Variants in SYNE2 observed in about 807,000 individuals in gnomAD.
SYNE2 encodes the protein nesprin-2.
In SYNE2, 431 loss-of-function variants were observed where a neutral mutation model predicts 856.3. The ratio of observed to expected loss-of-function variants is 0.50; its 90% CI spans 0.47 to 0.55. The LOEUF is 0.55. Among genes scored for constraint, SYNE2 ranks in the 20% least tolerant of loss-of-function variants. SYNE2 has a pLI of 0.00. For synonymous variants in SYNE2, 2,923 were observed against 2,872.3 expected, an observed-to-expected ratio of 1.02 and a Z score of -0.56; for missense variants, 8,129 against 8,023.2, an observed-to-expected ratio of 1.01 and a Z score of -0.50.
chr14:63,861,681 G>C (rs1893776092), intron 1 of SYNE2, among the ~76,000 whole-genome samples: 1 of 152,014 alleles, frequency 6.6e-6, no homozygotes, highest in Admixed American at 6.6e-5. Flanking sequence ...CAGGTACTAG[G>C]GAGGCTGAGG....
intron 2 of SYNE2, among the ~76,000 whole-genome samples, chr14:63,928,105 AG>A (rs1428063639): frequency 6.6e-6 from 1 of 151,602 alleles, no homozygotes; most frequent in East Asian, 1.9e-4. Context: ...CAAGATGTAT[AG>A]AGAAGGAAGT....
rs116059867 is a variant in SYNE2 at position 63,766,785 on chromosome 14, G to A, written c.-305+4799G>A. 4.4e-3 allele frequency among the ~76,000 whole-genome samples: 673 copies of A among 152,244 alleles called. 10 individuals are homozygous for A. The highest frequency in any genetic ancestry group is 0.015 in the African/African-American group (618 of 41,562). On this transcript the variant is annotated intron_variant, in intron 1 of 23. Transcript: ENST00000674003. ...CCTTCCCTCTAAAGAAAACCTCTCT[G>A]GGGAGAGAGGGACAAAAGGCCTTAG...
chr14:64,157,219 GA>G (rs1285203902), intron 85 of SYNE2, among the ~76,000 whole-genome samples: 3 of 152,038 alleles, frequency 2.0e-5, no homozygotes, highest in African/African-American at 7.2e-5. Context: ...ACCTCAAAAA[GA>G]AACCTCCATA....
Position 64,139,961 on chromosome 14 carries a change from A to G in SYNE2, c.14864A>G (p.Gln4955Arg). The G allele has an allele frequency of 6.2e-7, 1 of 1,614,098 alleles. No homozygotes were observed. Among genetic ancestry groups the G allele is most frequent in the Non-Finnish European group, 8.5e-7 (1 of 1,179,984 alleles). ...GTTAGTTATAACAGAGATTCGGATC[A>G]GTTAACCAAGTGGTTGGAATCTTCC... ...HLLSYNRDSD[Q>R]LTKWLESSQH... The change falls in exon 80 of 116, where the codon CAG becomes CGG. Residue 4955 changes from glutamine (Q) to arginine (R), a missense_variant. This residue lies in a region of SYNE2 where 5,410 missense variants were observed against 5,284.8 expected (regional missense o/e 1.02). Transcript: ENST00000555002.
intron 49 of SYNE2, among the ~76,000 whole-genome samples, chr14:64,062,347 G>A (rs114007520): frequency 0.012 from 1,791 of 152,256 alleles, 39 homozygotes; most frequent in African/African-American, 0.04. Context: ...TATATGTTTA[G>A]GATACAGTTC....
chr14:64,209,812 A>C, intron 102 of SYNE2, 130 bp from the exon 103 acceptor site: 1 of 1,311,132 alleles, frequency 7.6e-7, no homozygotes. Context: ...AGGACTGGTG[A>C]ATTAGGCCCT....
rs759105267 is a variant in SYNE2, at chr14:63,980,855, C to T, written c.1648+123C>T. On this transcript the variant is annotated intron_variant, in intron 15 of 115. Transcript: ENST00000555002. Reference sequence around the variant, plus strand: ...ATGTGCATGTTTTCCTGGGAAAATTCTTGCTTTCACTTTTAATATTGTCAG... The same window carrying T: ...ATGTGCATGTTTTCCTGGGAAAATTTTTGCTTTCACTTTTAATATTGTCAG... 8.3e-4 allele frequency: 889 copies of T among 1,068,160 alleles called. 2 individuals carry two copies. The highest frequency in any genetic ancestry group is 1.2e-3 in the Non-Finnish European group (835 of 723,796). The allele number at this position is 1,068,160 out of a possible 1,614,324, so 66.2% of individuals were successfully genotyped here.
chr14:63,815,394 C>G (rs954165237), intron 1 of SYNE2, among the ~76,000 whole-genome samples: 1 of 151,724 alleles, frequency 6.6e-6, no homozygotes, highest in Non-Finnish European at 1.5e-5. Flanking sequence ...GGGCAGGAAG[C>G]ATCCAGCATG....
At chr14:63,854,256 A>G (rs1891187782) in intron 1 of SYNE2, among the ~76,000 whole-genome samples, 1 of 149,612 alleles carries the variant, frequency 6.7e-6, no homozygotes, top group African/African-American at 2.5e-5. Flanking sequence ...CTATTTGGCT[A>G]TGCTAGGATG....
intron 14 of SYNE2, 87 bp from the exon 15 acceptor site, chr14:63,980,567 C>T (rs930583050): frequency 1.6e-5 from 14 of 868,128 alleles, no homozygotes; most frequent in Middle Eastern, 2.2e-4. Context: ...CTCTGTCCTT[C>T]GTTGAATGGC....
chr14:63,881,704 G>C (rs1281212604), intron 1 of SYNE2, among the ~76,000 whole-genome samples: 1 of 151,782 alleles, frequency 6.6e-6, no homozygotes, highest in Non-Finnish European at 1.5e-5. Context: ...TCAGGAATCT[G>C]TTGCTTCATT....
chr14:64,101,889 A>G (rs940026970), intron 63 of SYNE2, 43 bp from the exon 64 acceptor site: 4 of 1,467,886 alleles, frequency 2.7e-6, no homozygotes, highest in Non-Finnish European at 3.8e-6. Context: ...TATGACAGTA[A>G]GGGAAGCTCT....
At chr14:64,028,641 A>G (rs574151744) in intron 43 of SYNE2, among the ~76,000 whole-genome samples, 219 of 152,226 alleles carry the variant, frequency 1.4e-3, no homozygotes, top group Non-Finnish European at 2.6e-3. Flanking sequence ...TTATTTGATG[A>G]TGATATTATA....
intron 1 of SYNE2, among the ~76,000 whole-genome samples, chr14:63,865,201 G>A (rs1894883229): frequency 7.8e-6 from 1 of 128,046 alleles, no homozygotes; most frequent in Non-Finnish European, 1.6e-5. Flanking sequence ...CAGTACACAA[G>A]GGGCTAGGTA....
At chr14:64,188,143 C>T (rs1398647827) in intron 97 of SYNE2, among the ~76,000 whole-genome samples, 1 of 152,162 alleles carries the variant, frequency 6.6e-6, no homozygotes, top group Non-Finnish European at 1.5e-5. Flanking sequence ...GACATTCTAT[C>T]TGGATTAATA....
chr14:64,059,613 G>T (rs544808696), intron 49 of SYNE2, among the ~76,000 whole-genome samples: 59 of 152,346 alleles, frequency 3.9e-4, no homozygotes, highest in Non-Finnish European at 6.5e-4. Flanking sequence ...TACTGAATCA[G>T]ACCTGAAGTC....
intron 51 of SYNE2, among the ~76,000 whole-genome samples, chr14:64,066,009 A>G (rs1323258984): frequency 6.6e-6 from 1 of 152,234 alleles, no homozygotes; most frequent in East Asian, 1.9e-4. Flanking sequence ...TCACCAAATA[A>G]TTTTGAAATT....
At chr14:63,921,355 C>T (rs1248418670) in intron 2 of SYNE2, among the ~76,000 whole-genome samples, 1 of 152,052 alleles carries the variant, frequency 6.6e-6, no homozygotes, top group Non-Finnish European at 1.5e-5. Context: ...AAGGTAAATA[C>T]TTGGGAGTCC....
At chr14:63,785,642 A>T (rs1297721183) in intron 1 of SYNE2, among the ~76,000 whole-genome samples, 1 of 152,210 alleles carries the variant, frequency 6.6e-6, no homozygotes, top group Non-Finnish European at 1.5e-5. Flanking sequence ...CATGTGCGAC[A>T]AGTGTGGATA....
Sources: gnomAD v4.1 joint callset for allele counts (sites outside exome capture counted in the v4.1 genomes callset) on GRCh38, gnomAD v4.1.1 for gene constraint, gnomAD v4.1.1 regional missense constraint, MANE v1.5 for transcripts, NCBI Gene and HGNC (gene_info 2026-07-23, HGNC 2026-07-21) for gene names.